CNBD1: variants seen among roughly 807,000 people sequenced by gnomAD.
The protein encoded by CNBD1 is cyclic nucleotide-binding domain-containing protein 1.
A neutral mutation model predicts 54.4 loss-of-function variants in CNBD1; 71 were observed. The ratio of observed to expected loss-of-function variants is 1.30; its 90% CI spans 1.08 to 1.59. The LOEUF is 1.59. CNBD1 is among the 40% of genes most tolerant of loss of function. The pLI is 0.00. For missense variants in CNBD1, 659 were observed against 518.0 expected, an observed-to-expected ratio of 1.27 and a Z score of -2.64; for synonymous variants, 182 against 170.7, an observed-to-expected ratio of 1.07 and a Z score of -0.51.
At position 87,416,035 on chromosome 8, in the gene CNBD1, G is replaced by A. The variant is rs183528392; in HGVS notation, c.214-12511G>A. Among the ~76,000 whole-genome samples the A allele has an allele frequency of 9.4e-4, 142 of 151,384 alleles. 2 individuals are homozygous for A. The highest frequency in any genetic ancestry group is 2.7e-3 in the African/African-American group (113 of 41,348). On this transcript the variant is annotated intron_variant, in intron 2 of 7. Coordinates refer to the CNBD1 transcript ENST00000521593. ...CACACACAAAAATAGATTTCAAGGC[G>A]GAAAAAAGCTTTACTATAAATAAGT...
At chr8:87,086,855 A>G (rs1293068569) in intron 4 of CNBD1, among the ~76,000 whole-genome samples, 2 of 152,220 alleles carry the variant, frequency 1.3e-5, no homozygotes, top group Non-Finnish European at 2.9e-5. Flanking sequence ...GAGTTCATTA[A>G]TTATTGCCTT....
chr8:87,207,783 A>G (rs909647517), intron 5 of CNBD1, among the ~76,000 whole-genome samples: 2 of 150,166 alleles, frequency 1.3e-5, no homozygotes, highest in African/African-American at 2.4e-5. Flanking sequence ...TGAATTTTCA[A>G]TCTTTCACAA....
At chr8:87,015,074 G>T (rs970284024) in intron 4 of CNBD1, among the ~76,000 whole-genome samples, 2 of 152,090 alleles carry the variant, frequency 1.3e-5, no homozygotes, top group Non-Finnish European at 2.9e-5. Flanking sequence ...TAATTAAAAA[G>T]AAATCATAAT....
intron 4 of CNBD1, among the ~76,000 whole-genome samples, chr8:87,029,759 A>T (rs1244386391): frequency 6.6e-6 from 1 of 151,426 alleles, no homozygotes; most frequent in Non-Finnish European, 1.5e-5. Flanking sequence ...TTTATGGAAA[A>T]TAATTATGTT....
At chr8:87,409,601 A>G (rs949556779) in intron 2 of CNBD1, among the ~76,000 whole-genome samples, 11 of 152,158 alleles carry the variant, frequency 7.2e-5, no homozygotes, top group African/African-American at 2.7e-4. Context: ...AGAGAAGTCA[A>G]TGCCTGGTTT....
At chr8:87,056,248 C>T (rs1465035949) in intron 4 of CNBD1, among the ~76,000 whole-genome samples, 1 of 152,118 alleles carries the variant, frequency 6.6e-6, no homozygotes, top group African/African-American at 2.4e-5. Flanking sequence ...AAAGGCACTC[C>T]TTTCCATGGT....
chr8:87,339,202 C>T (rs1404800272), intron 8 of CNBD1, among the ~76,000 whole-genome samples: 1 of 152,128 alleles, frequency 6.6e-6, no homozygotes, highest in Non-Finnish European at 1.5e-5. Context: ...ACTGGAAGAA[C>T]CAAGTGATTA....
intron 6 of CNBD1, among the ~76,000 whole-genome samples, chr8:87,252,886 G>A (rs1245123923): frequency 6.6e-6 from 1 of 152,134 alleles, no homozygotes; most frequent in African/African-American, 2.4e-5. Context: ...AGCTTGTGAT[G>A]CACTGTAAAG....
chr8:87,361,500 T>C (rs1810523376), intron 10 of CNBD1, among the ~76,000 whole-genome samples: 1 of 151,872 alleles, frequency 6.6e-6, no homozygotes, highest in African/African-American at 2.4e-5. Context: ...GCAATTTCAC[T>C]ATAAATTACA....
Position 87,341,358 on chromosome 8 carries a change from A to G in CNBD1, c.1043-10327A>G, listed in dbSNP as rs138646473. On this transcript the variant is annotated intron_variant, in intron 8 of 10. Transcript: ENST00000518476. ...CTCTGGCAGCTCCTGTCTTCTTTAA[A>G]AGTGTGAACATTGAATGTATGTTTC... Among the ~76,000 whole-genome samples the G allele has an allele frequency of 3.7e-3, 566 of 152,182 alleles. 6 individuals are homozygous for G. The highest frequency in any genetic ancestry group is 0.013 in the African/African-American group (550 of 41,506).
Position 87,163,271 on chromosome 8 carries a change from T to C in CNBD1, c.432-42722T>C, listed in dbSNP as rs1812894318. 6.6e-6 allele frequency among the ~76,000 whole-genome samples: 1 copy of C among 152,020 alleles called. No homozygotes were observed. Among genetic ancestry groups the C allele is most frequent in the African/African-American group, 2.4e-5 (1 of 41,406 alleles). On this transcript the variant is annotated intron_variant, in intron 4 of 10. Transcript: ENST00000518476. The surrounding 1 kb of genome is among the most constrained non-coding windows in gnomAD (Gnocchi z 4.5). The stretch of plus-strand genomic sequence containing the variant: ...AGGAAGTGTGATGTCCCCAGCTTTG[T>C]TTTTCTTGCTCAAGATTGCTTTGCC...
In CNBD1 at chr8:87,351,632, A is replaced by T. The variant is rs868736293; in HGVS notation, c.1043-53A>T. On this transcript the variant is annotated intron_variant, in intron 8 of 10. Coordinates refer to ENST00000518476, the MANE Select transcript of CNBD1 (RefSeq NM_173538.3). ...AACTTTTGTTGCTAAAATATCTAAA[A>T]TAATTTATTAAAGACAAGAATGTGT... 20 of 1,408,250 alleles carry T rather than the reference A, an allele frequency of 1.4e-5. No homozygotes were observed. In the African/African-American group the frequency reaches 2.7e-4, roughly 19 times the overall value. 87.2% of individuals were successfully genotyped at this position (1,408,250 alleles called of 1,614,324 possible).
chr8:87,172,850 C>T (rs777155774), intron 4 of CNBD1, among the ~76,000 whole-genome samples: 4 of 151,956 alleles, frequency 2.6e-5, no homozygotes, highest in South Asian at 2.1e-4. Flanking sequence ...TTTTTATTAG[C>T]GTATATAGTT....
intron 4 of CNBD1, among the ~76,000 whole-genome samples, chr8:87,133,245 T>C (rs888570489): frequency 6.6e-6 from 1 of 152,194 alleles, no homozygotes; most frequent in Non-Finnish European, 1.5e-5. Context: ...CATCTTAGTT[T>C]CAATGTATGT....
chr8:87,396,917 T>C (rs904663917), intron 2 of CNBD1, among the ~76,000 whole-genome samples: 4 of 151,330 alleles, frequency 2.6e-5, no homozygotes, highest in African/African-American at 9.7e-5. Flanking sequence ...AGTAGTTCTT[T>C]AAATCATCTG....
At chr8:86,993,944 C>T (rs1171355777) in intron 4 of CNBD1, among the ~76,000 whole-genome samples, 1 of 152,264 alleles carries the variant, frequency 6.6e-6, no homozygotes, top group Admixed American at 6.5e-5. Flanking sequence ...CTGTGCACTT[C>T]CTTTGTTAGA....
At position 87,264,402 on chromosome 8, in the gene CNBD1, T is replaced by C. The variant is rs544638247; in HGVS notation, c.772-20276T>C. On this transcript the variant is annotated intron_variant, in intron 6 of 10. Transcript: ENST00000518476. ...TTTTCTTAATCCAGTCTATCATTGT[T>C]GGACATTTGGGTTTGTTCCAAGTCT... is the stretch of plus-strand genomic sequence containing the variant. Among the ~76,000 whole-genome samples the C allele has an allele frequency of 3.6e-4, 55 of 152,340 alleles. No individual in the cohort carries two copies. In the East Asian group the frequency reaches 9.6e-3, roughly 27 times the overall value.
At chr8:86,966,686 C>T (rs946999111) in intron 4 of CNBD1, among the ~76,000 whole-genome samples, 5 of 152,018 alleles carry the variant, frequency 3.3e-5, no homozygotes, top group South Asian at 2.1e-4. Context: ...TTAGTTCCTC[C>T]GGATAGGTTT....
intron 4 of CNBD1, among the ~76,000 whole-genome samples, chr8:87,130,099 T>C (rs1812088735): frequency 6.6e-6 from 1 of 152,116 alleles, no homozygotes; most frequent in Non-Finnish European, 1.5e-5. Flanking sequence ...ATGATTCAAT[T>C]ACCTCCCACC....
Sources: allele counts gnomAD v4.1 joint callset (sites outside exome capture counted in the v4.1 genomes callset), GRCh38; gene constraint gnomAD v4.1.1; non-coding constraint Gnocchi (gnomAD v3.1); transcripts MANE v1.5; gene names NCBI Gene and HGNC (gene_info 2026-07-23, HGNC 2026-07-21).